Variants in PCDHGB2 observed in about 807,000 individuals in gnomAD.
PCDHGB2 encodes the protein protocadherin gamma subfamily B, 2, also known as protocadherin gamma-B2.
A neutral mutation model predicts 59.3 loss-of-function variants in PCDHGB2; 55 were observed. That is an observed-to-expected ratio of 0.93 (90% CI 0.75 to 1.16). The LOEUF (loss-of-function observed/expected upper bound fraction) is 1.16, where lower values mean the gene tolerates loss of function less well. Ranked by LOEUF, PCDHGB2 falls within the 50% of genes most tolerant of loss-of-function variation. The pLI, the probability that PCDHGB2 is intolerant of heterozygous loss-of-function variation, is 0.00. For synonymous variants in PCDHGB2, 516 were observed against 512.0 expected (o/e 1.01, Z -0.11); for missense variants, 1,228 against 1,198.5 (o/e 1.02, Z -0.36).
chr5:141,410,154 A>C (rs1254712035), intron 1 of PCDHGB2: 1 of 1,612,962 alleles, frequency 6.2e-7, no homozygotes, highest in Non-Finnish European at 8.5e-7. Flanking sequence ...GACGGTGGAC[A>C]GCCGCCACTC....
chr5:141,426,590 C>T (rs2096945493), intron 1 of PCDHGB2: 1 of 369,282 alleles, frequency 2.7e-6, no homozygotes, highest in East Asian at 7.4e-5. Context: ...TCCTCTGTGT[C>T]ATACCCTTAG....
At chr5:141,412,987 A>T (rs192699644) in intron 1 of PCDHGB2, 1 of 564,522 alleles carries the variant, frequency 1.8e-6, no homozygotes, top group African/African-American at 1.9e-5. Flanking sequence ...GCCAGAGCTC[A>T]ATCCGGATTC....
In PCDHGB2 at chr5:141,418,400, G is replaced by C; in HGVS notation, c.2421+55844G>C. ...AAGTCCTAACGAGTATTTCTCATTGGTGGAGAAAGACAATCCTGATGGTGG... is the reference window on the plus strand; with the variant it reads ...AAGTCCTAACGAGTATTTCTCATTGCTGGAGAAAGACAATCCTGATGGTGG... On this transcript the variant is annotated intron_variant, in intron 1 of 3. Coordinates refer to ENST00000522605, the MANE Select transcript of PCDHGB2 (RefSeq NM_018923.3). The C allele has an allele frequency of 6.2e-7, 1 of 1,613,900 alleles. No homozygotes were observed. The highest frequency in any genetic ancestry group is 8.5e-7 in the Non-Finnish European group (1 of 1,179,794).
intron 1 of PCDHGB2, among the ~76,000 whole-genome samples, chr5:141,381,033 C>G (rs191532708): frequency 2.0e-4 from 30 of 152,324 alleles, no homozygotes; most frequent in African/African-American, 7.2e-4. Flanking sequence ...TTCCTTTAAA[C>G]AAAATTTATC....
chr5:141,374,610 G>C (rs773630975), intron 1 of PCDHGB2: 2 of 1,613,524 alleles, frequency 1.2e-6, no homozygotes, highest in Non-Finnish European at 1.7e-6. Context: ...AGTGGTAATA[G>C]TCACTTCTCA....
At chr5:141,385,495 T>G in intron 1 of PCDHGB2, 1 of 1,391,982 alleles carries the variant, frequency 7.2e-7, no homozygotes, top group Non-Finnish European at 9.3e-7. Flanking sequence ...ACATAGGATA[T>G]AGTATTTCTT....
At chr5:141,366,944 T>C in intron 1 of PCDHGB2, 1 of 777,882 alleles carries the variant, frequency 1.3e-6, no homozygotes, top group South Asian at 2.1e-5. Flanking sequence ...GTCTAGCTGA[T>C]ATCTGTAGAC....
chr5:141,448,806 G>A (rs1412164815), intron 1 of PCDHGB2, among the ~76,000 whole-genome samples: 1 of 152,008 alleles, frequency 6.6e-6, no homozygotes, highest in Admixed American at 6.5e-5. Context: ...TTAGCCAGGC[G>A]TGATGGCGGG....
At chr5:141,388,364 G>A (rs749994962) in intron 1 of PCDHGB2, 12 of 1,613,846 alleles carry the variant, frequency 7.4e-6, no homozygotes, top group Middle Eastern at 1.6e-4. Context: ...CCCATGATGC[G>A]GATATTGGTA....
intron 1 of PCDHGB2, chr5:141,393,482 T>G (rs116240246): frequency 4.3e-6 from 7 of 1,614,070 alleles, no homozygotes; most frequent in Middle Eastern, 1.6e-4. Context: ...CGCCTCGCTC[T>G]AGCACAGTGC....
At chr5:141,423,107 T>G (rs1590430250) in intron 1 of PCDHGB2, 1 of 1,613,696 alleles carries the variant, frequency 6.2e-7, no homozygotes, top group East Asian at 2.2e-5. Flanking sequence ...ACGGGCGAGG[T>G]GCGTACAGCG....
In PCDHGB2 at chr5:141,360,817, A is replaced by C. The variant is rs772114545; in HGVS notation, c.682A>C (p.Ile228Leu). 6.2e-7 allele frequency: 1 copy of C among 1,614,006 alleles called. No individual in the cohort carries two copies. The highest frequency in any genetic ancestry group is 1.1e-5 in the South Asian group (1 of 91,090). The stretch of plus-strand genomic sequence containing the variant: ...CCCACCTCAAAGTGGCACGACCCAA[A>C]TCCGAATCAAAGTCACGGATGCCAA... ...GDPPQSGTTQ[I>L]RIKVTDANDN... The change falls in exon 1 of 4, where the codon ATC becomes CTC. Residue 228 changes from isoleucine (I) to leucine (L), a missense_variant. Ile to Leu is a conservative substitution (Grantham distance 5). This residue lies in a region of PCDHGB2 where 781 missense variants were observed against 721.6 expected (regional missense o/e 1.08). Transcript: ENST00000522605.
intron 1 of PCDHGB2, among the ~76,000 whole-genome samples, chr5:141,373,152 A>C (rs1769359529): frequency 6.6e-6 from 1 of 152,250 alleles, no homozygotes; most frequent in Non-Finnish European, 1.5e-5. Context: ...TGGTTTACTT[A>C]GTTTTAATGC....
intron 1 of PCDHGB2, among the ~76,000 whole-genome samples, chr5:141,452,761 G>A (rs1291983570): frequency 6.6e-6 from 1 of 152,036 alleles, no homozygotes; most frequent in East Asian, 1.9e-4. Flanking sequence ...AGGAAGGGAG[G>A]GAGGGAAAAC....
At position 141,477,401 on chromosome 5, in the gene PCDHGB2, G is replaced by T. The variant is rs781253466; in HGVS notation, c.2422-17406G>T. On this transcript the variant is annotated intron_variant, in intron 1 of 3. Coordinates refer to ENST00000522605, the MANE Select transcript of PCDHGB2 (RefSeq NM_018923.3). The surrounding 1 kb of genome is among the most constrained non-coding windows in gnomAD (Gnocchi z 4.9). ...GCCAGAATACAACCTCAGCATCACC[G>T]CCCGAGACGCCGGAACCCCTTCCCT... 8 of 1,613,960 alleles carry T rather than the reference G, an allele frequency of 5.0e-6. No homozygotes were observed. The highest frequency in any genetic ancestry group is 4.5e-5 in the East Asian group (2 of 44,890).
At chr5:141,408,104 C>A (rs546603908) in intron 1 of PCDHGB2, 5 of 1,441,798 alleles carry the variant, frequency 3.5e-6, no homozygotes, top group Non-Finnish European at 2.7e-6. Flanking sequence ...CTCCGAGACC[C>A]GGGACTCCTC....
chr5:141,391,964 A>G (rs917564747), intron 1 of PCDHGB2: 3 of 152,232 alleles, frequency 2.0e-5, no homozygotes, highest in Non-Finnish European at 2.9e-5. Flanking sequence ...AAACAATGTA[A>G]ATAAAATAGC....
chr5:141,439,632 T>C (rs1335553818), intron 1 of PCDHGB2, among the ~76,000 whole-genome samples: 1 of 152,182 alleles, frequency 6.6e-6, no homozygotes, highest in Non-Finnish European at 1.5e-5. Context: ...TCCCCAGACA[T>C]TCCGGCTTGG....
intron 1 of PCDHGB2, among the ~76,000 whole-genome samples, chr5:141,448,180 G>C (rs961721974): frequency 1.3e-5 from 2 of 151,998 alleles, no homozygotes; most frequent in African/African-American, 2.4e-5. Flanking sequence ...TTCATCCCTG[G>C]TTATGTACAC....
Sources: allele counts gnomAD v4.1 joint callset (sites outside exome capture counted in the v4.1 genomes callset), GRCh38; gene constraint gnomAD v4.1.1; regional missense constraint gnomAD v4.1.1; non-coding constraint Gnocchi (gnomAD v3.1); transcripts MANE v1.5; gene names NCBI Gene and HGNC (gene_info 2026-07-23, HGNC 2026-07-21).